ASB5: variants seen among roughly 807,000 people sequenced by gnomAD.
ASB5 encodes ankyrin repeat and SOCS box containing 5, also known as ankyrin repeat and SOCS box protein 5.
A neutral mutation model predicts 42.1 loss-of-function variants in ASB5; 45 were observed. The ratio of observed to expected loss-of-function variants is 1.07; its 90% confidence interval spans 0.84 to 1.37. The LOEUF is 1.37. ASB5 is among the 40% of genes most tolerant of loss of function. The probability of loss-of-function intolerance (pLI) is 0.00; values close to 1 mark genes in which losing one functional copy is unlikely to be tolerated. For missense variants in ASB5, 402 were observed against 399.8 expected (o/e 1.01, Z -0.05); for synonymous variants, 147 against 150.6 (o/e 0.98, Z 0.18).
At chr4:176,241,406 T>G in intron 1 of ASB5, 10 of 1,421,100 alleles carry the variant, frequency 7.0e-6, no homozygotes, top group Non-Finnish European at 9.4e-6. Flanking sequence ...GCTCACTAAG[T>G]AAAAAAATAA....
chr4:176,238,206 CA>C (rs3060874), intron 1 of ASB5, among the ~76,000 whole-genome samples: 40,448 of 100,066 alleles, frequency 0.4, 5,249 homozygotes, highest in East Asian at 0.6. Context: ...GACTCCGTCT[CA>C]AAAAAAAAAA....
intron 1 of ASB5, among the ~76,000 whole-genome samples, chr4:176,232,761 T>A (rs1048014067): frequency 3.9e-5 from 6 of 152,210 alleles, no homozygotes; most frequent in Non-Finnish European, 8.8e-5. Flanking sequence ...AAAGCCAACA[T>A]CTTTCTCTTA....
intron 2 of ASB5, among the ~76,000 whole-genome samples, chr4:176,223,393 T>C (rs753270331): frequency 6.6e-6 from 1 of 152,330 alleles, no homozygotes; most frequent in South Asian, 2.1e-4. Context: ...TTTATTGTAA[T>C]TATTCAATCA....
In ASB5 at chr4:176,225,282, G is replaced by C; in HGVS notation, c.256C>G (p.Leu86Val). 6.2e-7 allele frequency: 1 copy of C among 1,613,704 alleles called. No individual in the cohort carries two copies. The highest frequency in any genetic ancestry group is 2.2e-5 in the East Asian group (1 of 44,858). Residue 86 changes from leucine to valine, a missense_variant, in exon 2 of 7, where the codon CTG becomes GTG. Physicochemically the swap from Leu to Val is conservative, Grantham distance 32. Coordinates refer to ENST00000296525, the MANE Select transcript of ASB5 (RefSeq NM_080874.4). ...ATTACCTGTGATAATAATGTTCTCA[G>C]AGCAAGAAGGCGACCTTGACTTGCT... ...EAASQGRLLA[L>V]RTLLSQGYNV...
rs368442327 is a variant in ASB5, at chr4:176,241,551, T to C, written c.197-16210A>G. On this transcript the variant is annotated intron_variant, in intron 1 of 6. Transcript: ENST00000296525. ...GAGGCTGTGCTGCTTTGGGTTTCTT[T>C]ACAAGGCCGTGCCCTCATACAACCT... The C allele has an allele frequency of 4.3e-5, 65 of 1,525,744 alleles. 3 individuals are homozygous for C. In the African/African-American group the frequency reaches 8.4e-4, roughly 20 times the overall value. 94.5% of individuals were successfully genotyped at this position (1,525,744 alleles called of 1,614,324 possible).
chr4:176,261,760 T>G (rs1006202911), intron 1 of ASB5, among the ~76,000 whole-genome samples: 1 of 152,180 alleles, frequency 6.6e-6, no homozygotes, highest in Non-Finnish European at 1.5e-5. Context: ...TTTAGCGCCA[T>G]ATGGTTTTCT....
In ASB5 at chr4:176,268,903, A is replaced by T. The variant is rs1411512703; in HGVS notation, c.196+10T>A. 3.8e-6 allele frequency: 6 copies of T among 1,594,414 alleles called. No individual in the cohort carries two copies. The highest frequency in any genetic ancestry group is 3.5e-5 in the Admixed American group (2 of 56,938). Reference sequence around the variant, plus strand: ...CCACTTGAAACAAGAGAGGATTATCATAAACATACCTTGTCCTTGGGTTAC... The same window carrying T: ...CCACTTGAAACAAGAGAGGATTATCTTAAACATACCTTGTCCTTGGGTTAC... On this transcript the variant is annotated intron_variant, in intron 1 of 6. Coordinates refer to ENST00000296525, the MANE Select transcript of ASB5 (RefSeq NM_080874.4).
chr4:176,257,501 C>A lies in ASB5; in HGVS notation c.196+11412G>T, dbSNP rs17062680. On this transcript the variant is annotated intron_variant, in intron 1 of 6. Coordinates refer to ENST00000296525, the MANE Select transcript of ASB5 (RefSeq NM_080874.4). Reference sequence around the variant, plus strand: ...TCCTGGTCACACTAGCCAAACTCTGCATTACTTTGCTCCAATCCTATGGAA... The same window carrying A: ...TCCTGGTCACACTAGCCAAACTCTGAATTACTTTGCTCCAATCCTATGGAA... Among the ~76,000 whole-genome samples the A allele has an allele frequency of 0.027, 4,179 of 152,264 alleles. 255 individuals carry two copies. The East Asian group carries it at 0.28, about 10-fold the overall frequency.
rs2126980657 is a variant in ASB5 at position 176,269,018 on chromosome 4, C to T, written c.91G>A (p.Val31Met). The change falls in exon 1 of 7, where the codon GTG becomes ATG. Residue 31 changes from valine (V) to methionine (M), a missense_variant. Physicochemically the swap from Val to Met is conservative, Grantham distance 21 (BLOSUM62 1). Coordinates refer to ENST00000296525, the MANE Select transcript of ASB5 (RefSeq NM_080874.4). ...CTGAGGATGGCAAGGCTGATTTTCACAAAAAGCTTAAAACAGAACAGCGAA... is the reference window on the plus strand; with the variant it reads ...CTGAGGATGGCAAGGCTGATTTTCATAAAAAGCTTAAAACAGAACAGCGAA... ...ILSLFCFKLF[V>M]KISLAILSHF... 1 of 1,613,540 alleles carries T rather than the reference C, an allele frequency of 6.2e-7. No individual in the cohort carries two copies. Among genetic ancestry groups the T allele is most frequent in the Middle Eastern group, 1.7e-4 (1 of 6,054 alleles).
intron 5 of ASB5, among the ~76,000 whole-genome samples, chr4:176,220,341 A>C (rs993520735): frequency 5.9e-5 from 9 of 152,216 alleles, no homozygotes; most frequent in African/African-American, 2.2e-4. Context: ...TGAGTAGTGC[A>C]TAAAAGGGCT....
chr4:176,252,335 T>C (rs1420081383), intron 1 of ASB5, among the ~76,000 whole-genome samples: 1 of 152,204 alleles, frequency 6.6e-6, no homozygotes, highest in Non-Finnish European at 1.5e-5. Context: ...TCAGTGCACA[T>C]GCACCCGCAA....
intron 1 of ASB5, among the ~76,000 whole-genome samples, chr4:176,231,023 T>C (rs567852402): frequency 6.6e-6 from 1 of 152,320 alleles, no homozygotes; most frequent in South Asian, 2.1e-4. Context: ...CTGCCTATAT[T>C]TAGAAGCAAC....
chr4:176,249,929 G>A (rs1224819350), intron 1 of ASB5, among the ~76,000 whole-genome samples: 7 of 151,874 alleles, frequency 4.6e-5, no homozygotes, highest in South Asian at 2.1e-4. Context: ...GCCGGGCGTG[G>A]TGACGGGCGC....
chr4:176,219,598 A>ATG (rs1753138998), intron 5 of ASB5, among the ~76,000 whole-genome samples: 1 of 117,824 alleles, frequency 8.5e-6, no homozygotes, highest in African/African-American at 3.1e-5. Flanking sequence ...ATATATATAT[A>ATG]TATATATATA....
intron 1 of ASB5, among the ~76,000 whole-genome samples, chr4:176,243,741 C>T (rs1560814487): frequency 6.6e-6 from 1 of 152,076 alleles, no homozygotes; most frequent in Admixed American, 6.6e-5. Context: ...TGAGCTCAAG[C>T]AATCTGCCTG....
Position 176,269,183 on chromosome 4 carries a change from C to T in ASB5, c.-75G>A. 1 of 1,368,292 alleles carries T rather than the reference C, an allele frequency of 7.3e-7. No homozygotes were observed. Among genetic ancestry groups the T allele is most frequent in the Non-Finnish European group, 1.0e-6 (1 of 992,866 alleles). 84.8% of individuals were successfully genotyped at this position (1,368,292 alleles called of 1,614,324 possible). ...GTGCCTGGCTCTCGTCCGGGATGCT[C>T]CTGAACAGCTGGTCCTGAGGAAAGA... On this transcript the variant is annotated 5_prime_UTR_variant, in exon 1 of 7. Transcript: ENST00000296525.
chr4:176,226,533 C>G (rs1753383345), intron 1 of ASB5, among the ~76,000 whole-genome samples: 1 of 152,146 alleles, frequency 6.6e-6, no homozygotes, highest in Non-Finnish European at 1.5e-5. Flanking sequence ...CTAATCTCCT[C>G]TCATATAGCT....
intron 1 of ASB5, among the ~76,000 whole-genome samples, chr4:176,225,784 T>G (rs1208721936): frequency 6.6e-6 from 1 of 152,056 alleles, no homozygotes; most frequent in African/African-American, 2.4e-5. Flanking sequence ...GAGACAGGGT[T>G]TCACCATGTT....
chr4:176,271,732 G>A (rs531045341), upstream of ASB5, among the ~76,000 whole-genome samples: 1 of 151,916 alleles, frequency 6.6e-6, no homozygotes, highest in Admixed American at 6.6e-5. Context: ...CATCTTAGGG[G>A]GGTGAATATT....
Sources: allele counts gnomAD v4.1 joint callset (sites outside exome capture counted in the v4.1 genomes callset), GRCh38; gene constraint gnomAD v4.1.1; transcripts MANE v1.5; gene names NCBI Gene and HGNC (gene_info 2026-07-23, HGNC 2026-07-21).